MMP1: variants seen among roughly 807,000 people sequenced by gnomAD.
MMP1 encodes the protein matrix metallopeptidase 1.
MMP1 carries 51 observed loss-of-function variants against 49.6 expected under a neutral mutation model. That is an observed-to-expected ratio of 1.03 (90% CI 0.82 to 1.30). The LOEUF is 1.30. Ranked by LOEUF, MMP1 falls within the 50% of genes most tolerant of loss-of-function variation. MMP1 has a pLI of 0.00. For missense variants in MMP1, 623 were observed against 568.7 expected, an observed-to-expected ratio of 1.10 and a Z score of -0.97; for synonymous variants, 230 against 196.8, an observed-to-expected ratio of 1.17 and a Z score of -1.41.
intron 6 of MMP1, 80 bp from the exon 7 acceptor site, chr11:102,792,818 G>T: frequency 1.5e-6 from 2 of 1,352,250 alleles, no homozygotes; most frequent in Non-Finnish European, 2.1e-6. Flanking sequence ...GCTCCTTCTT[G>T]TTGCTGGCAC....
intron 5 of MMP1, 70 bp downstream of exon 5, chr11:102,795,382 T>C (rs1858157077): frequency 2.5e-6 from 4 of 1,603,514 alleles, no homozygotes; most frequent in Admixed American, 1.7e-5. Flanking sequence ...ATATCGCTAA[T>C]GGCTGTTTTA....
chr11:102,791,380 C>A lies in MMP1; in HGVS notation c.1149G>T (p.Glu383Asp), dbSNP rs748601963. ...TVKHIDAALS[E>D]ENTGKTYFFV... ...AGAAGTAGGTTTTTCCAGTGTTTTC[C>A]TCAGAAAGAGCAGCATCGATATGCT... is the stretch of plus-strand genomic sequence containing the variant. The change falls in exon 8 of 10, where the codon GAG (glutamate) becomes GAT (aspartate). Residue 383 changes from glutamate to aspartate, a missense_variant. Coordinates refer to ENST00000315274, the MANE Select transcript of MMP1 (RefSeq NM_002421.4). 1 of 1,614,026 alleles carries A rather than the reference C, an allele frequency of 6.2e-7. No individual in the cohort carries two copies. Among genetic ancestry groups the A allele is most frequent in the East Asian group, 2.2e-5 (1 of 44,886 alleles).
rs761045823 is a variant in MMP1 at position 102,797,371 on chromosome 11, G to C, written c.235C>G (p.Pro79Ala). The C allele has an allele frequency of 6.2e-6, 10 of 1,614,136 alleles. No homozygotes were observed. Among genetic ancestry groups the C allele is most frequent in the African/African-American group, 1.3e-5 (1 of 75,042 alleles). Residue 79 changes from proline to alanine, a missense_variant, in exon 2 of 10, where the codon CCA (proline) becomes GCA (alanine). Physicochemically the swap from Pro to Ala is conservative, Grantham distance 27. Coordinates refer to ENST00000315274, the MANE Select transcript of MMP1 (RefSeq NM_002421.4). ...ATCACCTTCAGGGTTTCAGCATCTG[G>C]TTTCCCAGTCACTTTCAGCCCAAAG... ...EFFGLKVTGK[P>A]DAETLKVMKQ...
intron 6 of MMP1, among the ~76,000 whole-genome samples, chr11:102,793,945 AATCAGTTACTATCTCT>A (rs1858105045): frequency 6.6e-6 from 1 of 152,206 alleles, no homozygotes; most frequent in South Asian, 2.1e-4. Context: ...GCCTTAGGCA[AATCAGTTACTATCTCT>A]ATCTCTAGCC....
Position 102,790,731 on chromosome 11 carries a change from G to A in MMP1, c.1272C>T (p.His424=), listed in dbSNP as rs1858003671. 1 of 1,612,712 alleles carries A rather than the reference G, an allele frequency of 6.2e-7. No individual in the cohort carries two copies. The highest frequency in any genetic ancestry group is 8.5e-7 in the Non-Finnish European group (1 of 1,178,842). ...CTTTCATGAAAACTGCATCAACTTTGTGGCCAATTCCAGGAAAGTCATGTG... is the reference window on the plus strand; with the variant it reads ...CTTTCATGAAAACTGCATCAACTTTATGGCCAATTCCAGGAAAGTCATGTG... ...MIAHDFPGIG[H]KVDAVFMKDG... Residue 424 remains histidine, a synonymous_variant, in exon 9 of 10, where the codon CAC becomes CAT. Coordinates refer to ENST00000315274, the MANE Select transcript of MMP1 (RefSeq NM_002421.4).
At chr11:102,796,346 T>A (rs747071312) in intron 4 of MMP1, among the ~76,000 whole-genome samples, 4 of 152,248 alleles carry the variant, frequency 2.6e-5, no homozygotes, top group Non-Finnish European at 5.9e-5. Context: ...AATTTCCACA[T>A]AAGTTTATGA....
chr11:102,791,381 T>A lies in MMP1; in HGVS notation c.1148A>T (p.Glu383Val), dbSNP rs1858025447. The change falls in exon 8 of 10, where the codon GAG (glutamate) becomes GTG (valine). Residue 383 changes from glutamate to valine, a missense_variant. By Grantham distance (121) the Glu-to-Val change is moderately radical. Transcript: ENST00000315274. ...GAAGTAGGTTTTTCCAGTGTTTTCC[T>A]CAGAAAGAGCAGCATCGATATGCTT... Reference protein sequence around the residue: ...TVKHIDAALSEENTGKTYFFV... With the variant: ...TVKHIDAALSVENTGKTYFFV... 1 of 1,613,924 alleles carries A rather than the reference T, an allele frequency of 6.2e-7. No individual in the cohort carries two copies. The highest frequency in any genetic ancestry group is 1.1e-5 in the South Asian group (1 of 91,084).
chr11:102,797,372 T>C lies in MMP1; in HGVS notation c.234A>G (p.Lys78=). ...QEFFGLKVTG[K]PDAETLKVMK... is the part of the protein sequence containing the mutation. ...TCACCTTCAGGGTTTCAGCATCTGG[T>C]TTCCCAGTCACTTTCAGCCCAAAGA... The change falls in exon 2 of 10, where the codon AAA becomes AAG. Residue 78 remains lysine (K), a synonymous_variant. Coordinates refer to ENST00000315274, the MANE Select transcript of MMP1 (RefSeq NM_002421.4). 1 of 1,614,134 alleles carries C rather than the reference T, an allele frequency of 6.2e-7. No homozygotes were observed. The highest frequency in any genetic ancestry group is 1.7e-5 in the Admixed American group (1 of 60,010).
At chr11:102,797,626 GC>G in intron 1 of MMP1, 126 bp from the exon 2 acceptor site, 1 of 1,203,404 alleles carries the variant, frequency 8.3e-7, no homozygotes, top group Non-Finnish European at 1.1e-6. Flanking sequence ...TTTCGCAGTT[GC>G]TTTTATCCTT....
rs774975570 is a variant in MMP1 at position 102,791,399 on chromosome 11, A to G, written c.1130T>C (p.Ile377Thr). 2 of 1,614,072 alleles carry G rather than the reference A, an allele frequency of 1.2e-6. No individual in the cohort carries two copies. Among genetic ancestry groups the G allele is most frequent in the South Asian group, 2.2e-5 (2 of 91,082 alleles). ...GTTTTCCTCAGAAAGAGCAGCATCG[A>G]TATGCTTCACAGTTCTAGGGAAGCC... is the stretch of plus-strand genomic sequence containing the variant. Reference protein sequence around the residue: ...SFGFPRTVKHIDAALSEENTG... With the variant: ...SFGFPRTVKHTDAALSEENTG... The change falls in exon 8 of 10, where the codon ATC becomes ACC. Residue 377 changes from isoleucine (I) to threonine (T), a missense_variant. Physicochemically the swap from Ile to Thr is moderately conservative, Grantham distance 89. Coordinates refer to ENST00000315274, the MANE Select transcript of MMP1 (RefSeq NM_002421.4).
chr11:102,796,548 G>T, intron 4 of MMP1, 116 bp downstream of exon 4: 1 of 1,220,294 alleles, frequency 8.2e-7, no homozygotes, highest in Non-Finnish European at 1.1e-6. Context: ...AATTTTCTGA[G>T]TGGTAATAGA....
intron 7 of MMP1, 112 bp from the exon 8 acceptor site, chr11:102,791,607 A>G: frequency 1.7e-6 from 2 of 1,152,272 alleles, no homozygotes; most frequent in South Asian, 1.5e-5. Flanking sequence ...CTGGCTGCAG[A>G]TTAGAATCAT....
chr11:102,797,648 A>G, intron 1 of MMP1, 148 bp from the exon 2 acceptor site: 1 of 1,089,690 alleles, frequency 9.2e-7, no homozygotes, highest in Non-Finnish European at 1.3e-6. Flanking sequence ...ATTTTTGGTG[A>G]GAAATGAAAT....
Position 102,790,374 on chromosome 11 carries a change from G to T in MMP1, c.*38C>A. The stretch of plus-strand genomic sequence containing the variant: ...GTTCTTCAGGAAAACACCTTCTTTG[G>T]ACTCACACCATGTGTTTTCCATTCA... On this transcript the variant is annotated 3_prime_UTR_variant, in exon 10 of 10. Coordinates refer to ENST00000315274, the MANE Select transcript of MMP1 (RefSeq NM_002421.4). The T allele has an allele frequency of 8.0e-7, 1 of 1,253,874 alleles. No homozygotes were observed. 77.7% of individuals were successfully genotyped at this position (1,253,874 alleles called of 1,614,324 possible).
Position 102,797,358 on chromosome 11 carries a change from G to A in MMP1, c.248C>T (p.Thr83Ile). The A allele has an allele frequency of 1.9e-6, 3 of 1,614,134 alleles. No individual in the cohort carries two copies. Among genetic ancestry groups the A allele is most frequent in the Non-Finnish European group, 2.5e-6 (3 of 1,180,028 alleles). Residue 83 changes from threonine to isoleucine, a missense_variant, in exon 2 of 10, where the codon ACC becomes ATC. Coordinates refer to ENST00000315274, the MANE Select transcript of MMP1 (RefSeq NM_002421.4). ...TCTGGGCTGCTTCATCACCTTCAGG[G>A]TTTCAGCATCTGGTTTCCCAGTCAC... Reference protein sequence around the residue: ...LKVTGKPDAETLKVMKQPRCG... With the variant: ...LKVTGKPDAEILKVMKQPRCG...
In MMP1 at chr11:102,792,659, C is replaced by T; in HGVS notation, c.979G>A (p.Gly327Arg). ...GCAAATTCGTAAGCAGCTTCAAGCC[C>T]ATTTGGCAGTTGTGGCCAGAAAACA... is the stretch of plus-strand genomic sequence containing the variant. ...ISVFWPQLPN[G>R]LEAAYEFADR... Residue 327 changes from glycine to arginine, a missense_variant, in exon 7 of 10, where the codon GGG (glycine) becomes AGG (arginine). Coordinates refer to ENST00000315274, the MANE Select transcript of MMP1 (RefSeq NM_002421.4). 1 of 1,613,930 alleles carries T rather than the reference C, an allele frequency of 6.2e-7. No individual in the cohort carries two copies. The highest frequency in any genetic ancestry group is 1.1e-5 in the South Asian group (1 of 91,046).
At position 102,795,265 on chromosome 11, in the gene MMP1, T is replaced by A. The variant is rs746320100; in HGVS notation, c.808A>T (p.Ile270Phe). 1.2e-5 allele frequency: 19 copies of A among 1,614,072 alleles called. No individual in the cohort carries two copies. The South Asian group carries it at 1.2e-4, about 10-fold the overall frequency. The part of the protein sequence containing the change: ...YGRSQNPVQP[I>F]GPQTPKACDS... ...CACGCTTTTGGGGTTTGTGGGCCGA[T>A]GGGCTGGACAGGATTTTGGGAACGT... The change falls in exon 6 of 10, where the codon ATC (isoleucine) becomes TTC (phenylalanine). Residue 270 changes from isoleucine to phenylalanine, a missense_variant. Coordinates refer to ENST00000315274, the MANE Select transcript of MMP1 (RefSeq NM_002421.4).
At chr11:102,795,912 C>T (rs1329469597) in intron 4 of MMP1, among the ~76,000 whole-genome samples, 1 of 152,170 alleles carries the variant, frequency 6.6e-6, no homozygotes, top group Non-Finnish European at 1.5e-5. Flanking sequence ...CTATTTCACA[C>T]AGAAGCAAAA....
chr11:102,793,875 C>G (rs1591079632), intron 6 of MMP1, among the ~76,000 whole-genome samples: 1 of 152,200 alleles, frequency 6.6e-6, no homozygotes, highest in Non-Finnish European at 1.5e-5. Flanking sequence ...GGGAAGCCTA[C>G]GGCCTTGGCT....
Sources: gnomAD v4.1 joint callset for allele counts (sites outside exome capture counted in the v4.1 genomes callset) on GRCh38, gnomAD v4.1.1 for gene constraint, MANE v1.5 for transcripts, NCBI Gene and HGNC (gene_info 2026-07-23, HGNC 2026-07-21) for gene names.